Variants in ZEB1 observed in about 807,000 individuals in gnomAD.
ZEB1 encodes the protein zinc finger E-box-binding homeobox 1.
A neutral mutation model predicts 84.9 loss-of-function variants in ZEB1; 21 were observed. The ratio of observed to expected loss-of-function variants is 0.25; its 90% CI spans 0.18 to 0.36. The LOEUF is 0.36. Among genes scored for constraint, ZEB1 ranks in the 10% least tolerant of loss-of-function variants. The probability of loss-of-function intolerance (pLI) is 1.00; values close to 1 mark genes in which losing one functional copy is unlikely to be tolerated. For synonymous variants in ZEB1, 420 were observed against 471.1 expected, an observed-to-expected ratio of 0.89 and a Z score of 1.41; for missense variants, 1,104 against 1,330.2, an observed-to-expected ratio of 0.83 and a Z score of 2.65.
At chr10:31,462,449 T>A (rs2061927256) in intron 2 of ZEB1, among the ~76,000 whole-genome samples, 1 of 152,164 alleles carries the variant, frequency 6.6e-6, no homozygotes, top group African/African-American at 2.4e-5. Context: ...TAGGTATACA[T>A]TATATGGCAG....
intron 1 of ZEB1, among the ~76,000 whole-genome samples, chr10:31,379,462 C>CATATATATACACATAT (rs1554830345): frequency 6.6e-6 from 1 of 151,170 alleles, no homozygotes; most frequent in Non-Finnish European, 1.5e-5. Context: ...TATATATATA[C>CATATATATACACATAT]ATATATATAC....
intron 1 of ZEB1, among the ~76,000 whole-genome samples, chr10:31,441,649 A>G (rs1175423326): frequency 6.6e-6 from 1 of 152,176 alleles, no homozygotes; most frequent in Non-Finnish European, 1.5e-5. Context: ...AATTTTTGCA[A>G]TCTACACATT....
At chr10:31,511,090 C>T (rs2069903262) in intron 5 of ZEB1, among the ~76,000 whole-genome samples, 1 of 152,252 alleles carries the variant, frequency 6.6e-6, no homozygotes, top group South Asian at 2.1e-4. Flanking sequence ...AGAGGTAACT[C>T]AGTATTTTGT....
chr10:31,390,064 AAAAAC>A (rs1256926822), intron 1 of ZEB1, among the ~76,000 whole-genome samples: 2 of 152,188 alleles, frequency 1.3e-5, no homozygotes, highest in Non-Finnish European at 2.9e-5. Flanking sequence ...AGCAGAAGGA[AAAAAC>A]AAAACAAAAC....
At chr10:31,325,202 G>C (rs1006837393) in intron 1 of ZEB1, among the ~76,000 whole-genome samples, 1 of 151,918 alleles carries the variant, frequency 6.6e-6, no homozygotes, top group Non-Finnish European at 1.5e-5. Flanking sequence ...TGTTTTCAGA[G>C]AAAACAACTT....
intron 1 of ZEB1, among the ~76,000 whole-genome samples, chr10:31,346,059 T>C (rs2040251316): frequency 6.6e-6 from 1 of 152,192 alleles, no homozygotes; most frequent in African/African-American, 2.4e-5. Context: ...AAGCAGAAGC[T>C]ACGATTTTCT....
At chr10:31,374,371 C>T (rs2046244832) in intron 1 of ZEB1, among the ~76,000 whole-genome samples, 1 of 151,820 alleles carries the variant, frequency 6.6e-6, no homozygotes, top group South Asian at 2.1e-4. Context: ...CCAATGTTTA[C>T]AGTGAACTAA....
At chr10:31,469,533 T>G (rs1352410003) in intron 2 of ZEB1, among the ~76,000 whole-genome samples, 1 of 152,172 alleles carries the variant, frequency 6.6e-6, no homozygotes, top group Non-Finnish European at 1.5e-5. Context: ...ACCACGAGAT[T>G]ATATCCCGCA....
intron 1 of ZEB1, among the ~76,000 whole-genome samples, chr10:31,410,126 C>T (rs1032780717): frequency 3.9e-5 from 6 of 152,102 alleles, no homozygotes; most frequent in African/African-American, 1.4e-4. Context: ...GCCCATTCAG[C>T]ATGATATTGG....
chr10:31,455,445 C>A (rs1283578367), intron 1 of ZEB1, among the ~76,000 whole-genome samples: 1 of 152,080 alleles, frequency 6.6e-6, no homozygotes, highest in Non-Finnish European at 1.5e-5. Flanking sequence ...TTCTGCACAG[C>A]AAAAGAAACT....
intron 1 of ZEB1, among the ~76,000 whole-genome samples, chr10:31,426,836 A>G (rs2056994235): frequency 6.6e-6 from 1 of 152,044 alleles, no homozygotes; most frequent in South Asian, 2.1e-4. Flanking sequence ...TTTGGATGGT[A>G]CTCCCATTGA....
rs570435803 is a variant in ZEB1, at chr10:31,365,862, T to A, written c.58+46570T>A. Among the ~76,000 whole-genome samples, 8 of 152,354 alleles carry A rather than the reference T, an allele frequency of 5.3e-5. No individual in the cohort carries two copies. In the South Asian group the frequency reaches 1.7e-3, roughly 32 times the overall value. On this transcript the variant is annotated intron_variant, in intron 1 of 8. Coordinates refer to ENST00000424869, the MANE Select transcript of ZEB1 (RefSeq NM_001174096.2). ...TCAGCTATATCGAAATACATTTGTATGCTCTACTGAATATAGGGAACATAA... is the reference window on the plus strand; with the variant it reads ...TCAGCTATATCGAAATACATTTGTAAGCTCTACTGAATATAGGGAACATAA...
At chr10:31,379,091 T>C (rs74348732) in intron 1 of ZEB1, among the ~76,000 whole-genome samples, 2 of 152,134 alleles carry the variant, frequency 1.3e-5, no homozygotes, top group Non-Finnish European at 1.5e-5. Flanking sequence ...TATACTCCTA[T>C]TATGTAGCTG....
chr10:31,461,187 G>A lies in ZEB1; in HGVS notation c.209G>A (p.Gly70Glu), dbSNP rs758828036. Residue 70 changes from glycine (G) to glutamate (E), a missense_variant, in exon 2 of 9, where the codon GGG (glycine) becomes GAG (glutamate). This residue lies in a region of ZEB1 where 162 missense variants were observed against 184.5 expected (regional missense o/e 0.88). Coordinates refer to ENST00000424869, the MANE Select transcript of ZEB1 (RefSeq NM_001174096.2). ...CCAACAGACCAGACAGTGTTACCAG[G>A]GAGGAGCAGTGAAAGAGAAGGGAAT... ...DLPTDQTVLPGRSSEREGNAK... is the reference protein window; with the variant it reads ...DLPTDQTVLPERSSEREGNAK... 1.9e-6 allele frequency: 3 copies of A among 1,613,422 alleles called. No homozygotes were observed. In the East Asian group the frequency reaches 6.7e-5, roughly 36 times the overall value.
chr10:31,506,602 A>G (rs1469364462), intron 4 of ZEB1, among the ~76,000 whole-genome samples: 1 of 151,982 alleles, frequency 6.6e-6, no homozygotes, highest in Non-Finnish European at 1.5e-5. Context: ...TATGGTTTCC[A>G]TTTGCATGGA....
chr10:31,426,661 C>T (rs964457974), intron 1 of ZEB1, among the ~76,000 whole-genome samples: 2 of 152,088 alleles, frequency 1.3e-5, no homozygotes, highest in African/African-American at 4.8e-5. Flanking sequence ...TGGATGGATG[C>T]CTGGAAAATC....
chr10:31,430,094 T>G (rs1226354892), intron 1 of ZEB1, among the ~76,000 whole-genome samples: 3 of 152,194 alleles, frequency 2.0e-5, no homozygotes, highest in Non-Finnish European at 4.4e-5. Context: ...TGACATTCTG[T>G]TTTTTATGTT....
chr10:31,354,783 C>T (rs2041864648), intron 1 of ZEB1, among the ~76,000 whole-genome samples: 1 of 152,156 alleles, frequency 6.6e-6, no homozygotes, highest in South Asian at 2.1e-4. Context: ...CCACATGTCA[C>T]AGAAAGTTCT....
chr10:31,367,025 G>A (rs948317641), intron 1 of ZEB1, among the ~76,000 whole-genome samples: 4 of 152,090 alleles, frequency 2.6e-5, no homozygotes, highest in African/African-American at 9.7e-5. Flanking sequence ...AAGTAATGAA[G>A]TATATAAGCT....
Sources: gnomAD v4.1 joint callset for allele counts (sites outside exome capture counted in the v4.1 genomes callset) on GRCh38, gnomAD v4.1.1 for gene constraint, gnomAD v4.1.1 regional missense constraint, MANE v1.5 for transcripts, NCBI Gene and HGNC (gene_info 2026-07-23, HGNC 2026-07-21) for gene names.